Variants in ADD2 observed in about 807,000 individuals in gnomAD.
The protein encoded by ADD2 is beta-adducin.
Under a neutral mutation model 83.0 loss-of-function variants are expected in ADD2, and 23 were observed. That is an observed-to-expected ratio of 0.28 (90% CI 0.20 to 0.39). The LOEUF (loss-of-function observed/expected upper bound fraction) is 0.39, where lower values mean the gene tolerates loss of function less well. ADD2 is among the 10% of genes least tolerant of loss of function. The pLI, the probability that ADD2 is intolerant of heterozygous loss-of-function variation, is 1.00. For missense variants in ADD2, 758 were observed against 944.9 expected, an observed-to-expected ratio of 0.80 and a Z score of 2.59; for synonymous variants, 375 against 375.4, an observed-to-expected ratio of 1.00 and a Z score of 0.01.
At chr2:70,701,128 T>G (rs1671562335) in intron 4 of ADD2, among the ~76,000 whole-genome samples, 1 of 152,102 alleles carries the variant, frequency 6.6e-6, no homozygotes, top group Non-Finnish European at 1.5e-5. Flanking sequence ...CAATCTCATG[T>G]GTGAATATGA....
At chr2:70,751,947 T>C (rs1553382991) in intron 1 of ADD2, among the ~76,000 whole-genome samples, 1 of 152,216 alleles carries the variant, frequency 6.6e-6, no homozygotes, top group African/African-American at 2.4e-5. Flanking sequence ...AGTCGCCGCT[T>C]TTCACAAGGG....
At chr2:70,677,909 G>A (rs782632099) in intron 11 of ADD2, 32 bp from the exon 12 acceptor site, 1 of 1,613,486 alleles carries the variant, frequency 6.2e-7, no homozygotes. Context: ...GGGCTGAGGT[G>A]AGGGAACAGG....
At chr2:70,665,282 T>A (rs561844567) in intron 15 of ADD2, among the ~76,000 whole-genome samples, 25 of 152,156 alleles carry the variant, frequency 1.6e-4, no homozygotes, top group African/African-American at 6.0e-4. Context: ...GGGCCAGATC[T>A]CCCTGTAACA....
rs781820932 is a variant in ADD2 at position 70,663,562 on chromosome 2, C to T, written c.2044G>A (p.Asp682Asn). 3 of 1,614,106 alleles carry T rather than the reference C, an allele frequency of 1.9e-6. No individual in the cohort carries two copies. The highest frequency in any genetic ancestry group is 2.2e-5 in the East Asian group (1 of 44,866). Residue 682 changes from aspartate (D) to asparagine (N), a missense_variant, in exon 16 of 16, where the codon GAC becomes AAC. Around this residue, in one of 5 missense-constraint regions of ADD2, gnomAD observed 165 missense variants for 176.2 expected, o/e 0.94. Coordinates refer to ENST00000264436, the MANE Select transcript of ADD2 (RefSeq NM_001617.4). ...SADTDVDTSK[D>N]KTESVTSGPM... ...CCGCTGGTGACCGACTCGGTTTTGT[C>T]CTTAGAGGTATCAACATCCGTGTCA...
Position 70,661,438 on chromosome 2 carries a change from G to A in ADD2, c.*1987C>T, listed in dbSNP as rs536579985. ...GATTTTTCTGAGGCATGAGTGGGTT[G>A]TCCCTCCTAAAATTTGACCCAATCA... On this transcript the variant is annotated 3_prime_UTR_variant, in exon 16 of 16. Coordinates refer to ENST00000264436, the MANE Select transcript of ADD2 (RefSeq NM_001617.4). 31 of 152,278 alleles carry A rather than the reference G, an allele frequency of 2.0e-4. No individual in the cohort carries two copies. Among genetic ancestry groups the A allele is most frequent in the African/African-American group, 7.2e-4 (30 of 41,570 alleles). The allele number at this position is 152,278 out of a possible 1,614,324, so 9.4% of individuals were successfully genotyped here.
rs200622392 is a variant in ADD2 at position 70,754,739 on chromosome 2, C to T, written c.-154+13147G>A. On this transcript the variant is annotated intron_variant, in intron 1 of 15. Coordinates refer to ENST00000264436, the MANE Select transcript of ADD2 (RefSeq NM_001617.4). ...CACCCCAGCCTCAGTCACCCTCTCC[C>T]GTGGTCATACCCTAGATCTTGCTGC... Among the ~76,000 whole-genome samples the T allele has an allele frequency of 9.9e-5, 15 of 152,224 alleles. No homozygotes were observed. The East Asian group carries it at 1.9e-3, about 20-fold the overall frequency.
At position 70,660,390 on chromosome 2, in the gene ADD2, G is replaced by A. The variant is rs1485664406; in HGVS notation, c.*3035C>T. ...TGCTGTAGAGGAAACATCGTGTAAA[G>A]CAGGCCATCAACTATGTTTTAGTAT... is the stretch of plus-strand genomic sequence containing the variant. On this transcript the variant is annotated 3_prime_UTR_variant, in exon 16 of 16. Transcript: ENST00000264436. The A allele has an allele frequency of 6.6e-6, 1 of 152,290 alleles. No individual in the cohort carries two copies. Among genetic ancestry groups the A allele is most frequent in the Non-Finnish European group, 1.5e-5 (1 of 68,054 alleles). The allele number at this position is 152,290 out of a possible 1,614,324, so 9.4% of individuals were successfully genotyped here.
chr2:70,725,833 C>T (rs370583556), intron 1 of ADD2, among the ~76,000 whole-genome samples: 1 of 152,122 alleles, frequency 6.6e-6, no homozygotes, highest in South Asian at 2.1e-4. Flanking sequence ...TCTGATTCAG[C>T]AGGTCTGGGG....
intron 2 of ADD2, among the ~76,000 whole-genome samples, chr2:70,710,974 A>C (rs1672149649): frequency 6.6e-6 from 1 of 152,250 alleles, no homozygotes; most frequent in Admixed American, 6.5e-5. Flanking sequence ...ACAGGTGCAC[A>C]CTAAATAACT....
At chr2:70,765,159 C>T (rs1169782756) in intron 1 of ADD2, among the ~76,000 whole-genome samples, 1 of 152,010 alleles carries the variant, frequency 6.6e-6, no homozygotes, top group Non-Finnish European at 1.5e-5. Context: ...TTGAGACCAG[C>T]CTGGCCAACA....
intron 9 of ADD2, 133 bp from the exon 10 acceptor site, chr2:70,683,900 A>G: frequency 3.2e-6 from 3 of 923,322 alleles, no homozygotes; most frequent in Non-Finnish European, 4.6e-6. Flanking sequence ...AGAGCCACCC[A>G]TACTTGATGG....
chr2:70,704,929 C>A (rs568424310), intron 3 of ADD2, among the ~76,000 whole-genome samples: 24 of 152,268 alleles, frequency 1.6e-4, no homozygotes, highest in African/African-American at 5.8e-4. Context: ...CCTCTGAGGT[C>A]ACTTCCACTC....
In ADD2 at chr2:70,673,211, G is replaced by A. The variant is rs535983242; in HGVS notation, c.1742-205C>T. ...GGGAAGGCCAATGGGAGAGGGTGGA[G>A]TCATGTTTCCTTCATCAAAACACAC... is the stretch of plus-strand genomic sequence containing the variant. On this transcript the variant is annotated intron_variant, in intron 14 of 15. Coordinates refer to ENST00000264436, the MANE Select transcript of ADD2 (RefSeq NM_001617.4). 17 of 1,610,364 alleles carry A rather than the reference G, an allele frequency of 1.1e-5. No individual in the cohort carries two copies. The African/African-American group carries it at 1.9e-4, about 18-fold the overall frequency.
In ADD2 at chr2:70,678,648, C is replaced by G. The variant is rs964387046; in HGVS notation, c.1383+56G>C. 2.0e-6 allele frequency: 3 copies of G among 1,505,722 alleles called. No individual in the cohort carries two copies. The South Asian group carries it at 4.1e-5, about 21-fold the overall frequency. 93.3% of individuals were successfully genotyped at this position (1,505,722 alleles called of 1,614,324 possible). The stretch of plus-strand genomic sequence containing the variant: ...CTGTTCCCGTTTTAAAAATGCTTCA[C>G]CCTGCTAATGCAGCCTGCCCCTCTC... On this transcript the variant is annotated intron_variant, in intron 11 of 15. Transcript: ENST00000264436.
Position 70,676,255 on chromosome 2 carries a change from A to C in ADD2, c.1593+541T>G. On this transcript the variant is annotated intron_variant, in intron 13 of 15. Coordinates refer to ENST00000264436, the MANE Select transcript of ADD2 (RefSeq NM_001617.4). The surrounding 1 kb of genome is among the most constrained non-coding windows in gnomAD (Gnocchi z 4.8). The stretch of plus-strand genomic sequence containing the variant: ...CTGTTCTATCTCAAGCACAAAAACA[A>C]TTACAATACTTTCTAACTCAATGTG... The C allele has an allele frequency of 1.0e-6, 1 of 989,562 alleles. No homozygotes were observed. The allele number at this position is 989,562 out of a possible 1,614,324, so 61.3% of individuals were successfully genotyped here. A position where few individuals can be genotyped will look rare whatever the true frequency, so the allele number is the denominator to read the frequency against.
intron 1 of ADD2, among the ~76,000 whole-genome samples, chr2:70,755,839 T>G (rs190688553): frequency 6.6e-6 from 1 of 151,916 alleles, no homozygotes; most frequent in African/African-American, 2.4e-5. Context: ...GGTGGGCAGA[T>G]CATGAGGTCA....
At chr2:70,718,209 ACTGAGTATT>A (rs1553376749) in intron 1 of ADD2, among the ~76,000 whole-genome samples, 1 of 152,180 alleles carries the variant, frequency 6.6e-6, no homozygotes, top group East Asian at 1.9e-4. Flanking sequence ...GCATGAATGG[ACTGAGTATT>A]CTTTCTTACA....
At chr2:70,759,677 C>T (rs939750654) in intron 1 of ADD2, among the ~76,000 whole-genome samples, 7 of 152,190 alleles carry the variant, frequency 4.6e-5, no homozygotes, top group African/African-American at 7.2e-5. Context: ...TCTCTGCACA[C>T]GCCAGCTCCC....
At chr2:70,745,629 C>T (rs781946316) in intron 1 of ADD2, among the ~76,000 whole-genome samples, 1 of 152,192 alleles carries the variant, frequency 6.6e-6, no homozygotes, top group Non-Finnish European at 1.5e-5. Context: ...AGACTATAGC[C>T]TCACCAAAAA....
Sources: gnomAD v4.1 joint callset for allele counts (sites outside exome capture counted in the v4.1 genomes callset) on GRCh38, gnomAD v4.1.1 for gene constraint, gnomAD v4.1.1 regional missense constraint, Gnocchi (gnomAD v3.1) non-coding constraint, MANE v1.5 for transcripts, NCBI Gene and HGNC (gene_info 2026-07-23, HGNC 2026-07-21) for gene names.